The following SDCCAG8 variants were observed in gnomAD, a reference collection of about 807,000 sequenced individuals.
The protein encoded by SDCCAG8 is SHH signaling and ciliogenesis regulator SDCCAG8, also known as serologically defined colon cancer antigen 8.
In SDCCAG8, 74 loss-of-function variants were observed where a neutral mutation model predicts 101.8. The observed-to-expected ratio is 0.73, with a 90% CI of 0.60 to 0.88. SDCCAG8 has a LOEUF of 0.88. Among genes scored for constraint, SDCCAG8 ranks in the 40% least tolerant of loss-of-function variants. The pLI, the probability that SDCCAG8 is intolerant of heterozygous loss-of-function variation, is 0.00. For synonymous variants in SDCCAG8, 281 were observed against 292.9 expected, an observed-to-expected ratio of 0.96 and a Z score of 0.41; for missense variants, 787 against 822.6, an observed-to-expected ratio of 0.96 and a Z score of 0.53.
At position 243,371,904 on chromosome 1, in the gene SDCCAG8, A is replaced by G. The variant is rs980734654; in HGVS notation, c.1474-6817A>G. Reference sequence around the variant, plus strand: ...CACTTATACTGTGATTAATGCAAGTAAGGAACTAAATTCTTTATTTTAATT... The same window carrying G: ...CACTTATACTGTGATTAATGCAAGTGAGGAACTAAATTCTTTATTTTAATT... On this transcript the variant is annotated intron_variant, in intron 12 of 17. Transcript: ENST00000366541. Among the ~76,000 whole-genome samples, 7 of 152,294 alleles carry G rather than the reference A, an allele frequency of 4.6e-5. No homozygotes were observed. The East Asian group carries it at 9.7e-4, about 21-fold the overall frequency.
At chr1:243,312,519 C>T (rs781410757) in intron 8 of SDCCAG8, among the ~76,000 whole-genome samples, 6 of 152,174 alleles carry the variant, frequency 3.9e-5, no homozygotes, top group Middle Eastern at 3.4e-3. Context: ...CCAGCCTGGC[C>T]ATCATGGTGA....
intron 10 of SDCCAG8, among the ~76,000 whole-genome samples, chr1:243,331,837 A>C (rs1263357628): frequency 6.6e-6 from 1 of 152,048 alleles, no homozygotes; most frequent in Non-Finnish European, 1.5e-5. Context: ...TTGTAGTCAC[A>C]GGAACGATGC....
intron 15 of SDCCAG8, among the ~76,000 whole-genome samples, chr1:243,421,295 C>T (rs2080980845): frequency 6.6e-6 from 1 of 152,000 alleles, no homozygotes; most frequent in Non-Finnish European, 1.5e-5. Flanking sequence ...ATTTTAAACT[C>T]ACAGATCTAG....
At chr1:243,422,293 T>G (rs559872760) in intron 15 of SDCCAG8, among the ~76,000 whole-genome samples, 8 of 152,366 alleles carry the variant, frequency 5.3e-5, no homozygotes, top group African/African-American at 1.9e-4. Flanking sequence ...TGGTTTAATT[T>G]GTTTCACTTC....
intron 16 of SDCCAG8, among the ~76,000 whole-genome samples, chr1:243,476,564 C>T (rs1202063362): frequency 6.6e-6 from 1 of 152,196 alleles, no homozygotes; most frequent in African/African-American, 2.4e-5. Flanking sequence ...CAGAAAGTCC[C>T]CATTCAAACA....
intron 16 of SDCCAG8, among the ~76,000 whole-genome samples, chr1:243,454,512 ACAT>A (rs145519229): frequency 0.016 from 2,430 of 152,242 alleles, 29 homozygotes; most frequent in Non-Finnish European, 0.025. Flanking sequence ...ACCACAGCCT[ACAT>A]CACTGTACCC....
chr1:243,463,821 G>A (rs1369761001), intron 16 of SDCCAG8, among the ~76,000 whole-genome samples: 2 of 152,018 alleles, frequency 1.3e-5, no homozygotes, highest in African/African-American at 2.4e-5. Context: ...CGATAGGGAG[G>A]GTAATGAGAC....
At position 243,270,120 on chromosome 1, in the gene SDCCAG8, GCATTCACCAACTGA is replaced by G. The variant is rs1438093602; in HGVS notation, c.87_100del (p.Ile29MetfsTer20). The G allele has an allele frequency of 6.2e-7, 1 of 1,614,214 alleles. No individual in the cohort carries two copies. Among genetic ancestry groups the G allele is most frequent in the Admixed American group, 1.7e-5 (1 of 60,026 alleles). On this transcript the variant is annotated frameshift_variant, in exon 2 of 18. Transcript: ENST00000366541. LOFTEE classifies it high-confidence loss of function. Reference sequence around the variant, plus strand: ...GTTCTTGCAGAACATGCCAGCAGAAGCATTCACCAACTGACATGTGCCCTGAAAGAAGGCGATGT... The same window carrying G: ...GTTCTTGCAGAACATGCCAGCAGAAGCATGTGCCCTGAAAGAAGGCGATGT...
At chr1:243,293,016 G>T in intron 5 of SDCCAG8, 75 bp from the exon 6 acceptor site, 1 of 1,525,044 alleles carries the variant, frequency 6.6e-7, no homozygotes, top group South Asian at 1.1e-5. Context: ...GGTAAGAATA[G>T]GTATTTTATT....
At chr1:243,372,518 G>A (rs2077351462) in intron 12 of SDCCAG8, among the ~76,000 whole-genome samples, 1 of 151,748 alleles carries the variant, frequency 6.6e-6, no homozygotes, top group Non-Finnish European at 1.5e-5. Context: ...CATTTCTTTG[G>A]ATATTTTTTC....
At chr1:243,430,347 A>G (rs1267123531) in intron 16 of SDCCAG8, among the ~76,000 whole-genome samples, 1 of 152,240 alleles carries the variant, frequency 6.6e-6, no homozygotes, top group Non-Finnish European at 1.5e-5. Context: ...TGTGTCCAAC[A>G]TAAAGGAAAA....
At chr1:243,479,942 G>C (rs1023922236) in intron 16 of SDCCAG8, among the ~76,000 whole-genome samples, 1 of 140,364 alleles carries the variant, frequency 7.1e-6, no homozygotes, top group Non-Finnish European at 1.5e-5. Context: ...CCCACCCTCA[G>C]AGTTGATGGT....
At position 243,458,093 on chromosome 1, in the gene SDCCAG8, T is replaced by C. The variant is rs1212836485; in HGVS notation, c.1986-30921T>C. ...CACAAGATACAGTTCTGTCCTCATC[T>C]TGACTTTTGTGTGGGTCAGAGTGAG... On this transcript the variant is annotated intron_variant, in intron 16 of 17. Transcript: ENST00000366541. This position sits in a 1 kb window ranked among gnomAD's most constrained non-coding sequence, Gnocchi z 4.5. Among the ~76,000 whole-genome samples, 1 of 152,250 alleles carries C rather than the reference T, an allele frequency of 6.6e-6. No homozygotes were observed. The highest frequency in any genetic ancestry group is 1.9e-4 in the East Asian group (1 of 5,198).
chr1:243,394,780 C>T (rs2078934496), intron 13 of SDCCAG8, among the ~76,000 whole-genome samples: 1 of 151,854 alleles, frequency 6.6e-6, no homozygotes, highest in African/African-American at 2.4e-5. Context: ...CTTCACCTAG[C>T]AGCGCCCTTA....
intron 16 of SDCCAG8, among the ~76,000 whole-genome samples, chr1:243,457,974 G>A (rs1451549979): frequency 6.6e-6 from 1 of 152,184 alleles, no homozygotes; most frequent in Non-Finnish European, 1.5e-5. Flanking sequence ...AATATGTTAG[G>A]CATCACTCTC....
intron 10 of SDCCAG8, among the ~76,000 whole-genome samples, chr1:243,339,761 G>T (rs760490239): frequency 1.4e-4 from 21 of 152,126 alleles, no homozygotes; most frequent in Non-Finnish European, 2.9e-4. Flanking sequence ...TTGGTTCAAT[G>T]TTGATTTTTA....
intron 10 of SDCCAG8, among the ~76,000 whole-genome samples, chr1:243,337,095 G>A (rs2783965): frequency 0.47 from 71,406 of 151,916 alleles, 18,633 homozygotes; most frequent in East Asian, 0.74. Context: ...GGAAACACCC[G>A]GAATGGTGTT....
intron 16 of SDCCAG8, among the ~76,000 whole-genome samples, chr1:243,466,970 C>T (rs553700354): frequency 6.6e-6 from 1 of 152,366 alleles, no homozygotes; most frequent in African/African-American, 2.4e-5. Context: ...GGTCTCCACT[C>T]TGGAGGGATA....
At chr1:243,309,025 G>T (rs2072449930) in intron 8 of SDCCAG8, among the ~76,000 whole-genome samples, 4 of 152,136 alleles carry the variant, frequency 2.6e-5, no homozygotes, top group Admixed American at 2.6e-4. Context: ...CCTTTCTTCT[G>T]TGGTCATTAA....
Sources: gnomAD v4.1 joint callset for allele counts (sites outside exome capture counted in the v4.1 genomes callset) on GRCh38, gnomAD v4.1.1 for gene constraint, Gnocchi (gnomAD v3.1) non-coding constraint, MANE v1.5 for transcripts, NCBI Gene and HGNC (gene_info 2026-07-23, HGNC 2026-07-21) for gene names.